The following PDE1A variants were observed in gnomAD, a reference collection of about 807,000 sequenced individuals.
PDE1A encodes phosphodiesterase 1A.
In PDE1A, 35 loss-of-function variants were observed where a neutral mutation model predicts 61.7. That is an observed-to-expected ratio of 0.57 (90% confidence interval 0.43 to 0.75). The LOEUF (loss-of-function observed/expected upper bound fraction) is 0.75. PDE1A is among the 30% of genes least tolerant of loss of function. The probability of loss-of-function intolerance (pLI) is 0.00; values close to 1 mark genes in which losing one functional copy is unlikely to be tolerated. For synonymous variants in PDE1A, 232 were observed against 213.2 expected, an observed-to-expected ratio of 1.09 and a Z score of -0.77; for missense variants, 597 against 630.6, an observed-to-expected ratio of 0.95 and a Z score of 0.57.
At chr2:182,386,275 G>T (rs577049853) in intron 1 of PDE1A, among the ~76,000 whole-genome samples, 1 of 151,598 alleles carries the variant, frequency 6.6e-6, no homozygotes, top group Non-Finnish European at 1.5e-5. Context: ...ACCCCGTCTG[G>T]GAAGTGAGGA....
upstream of PDE1A, among the ~76,000 whole-genome samples, chr2:182,430,851 G>A (rs376204567): frequency 2.5e-5 from 3 of 118,438 alleles, no homozygotes; most frequent in Non-Finnish European, 5.3e-5. Flanking sequence ...GTAAACTATC[G>A]CAAGAACAAA....
At chr2:182,432,672 G>C (rs1704015873) in intron 2 of PDE1A, among the ~76,000 whole-genome samples, 1 of 152,002 alleles carries the variant, frequency 6.6e-6, no homozygotes, top group Admixed American at 6.6e-5. Flanking sequence ...AGTAATATCT[G>C]TTAAATGTGT....
At chr2:182,484,899 G>A (rs892903449) in intron 2 of PDE1A, among the ~76,000 whole-genome samples, 25 of 151,908 alleles carry the variant, frequency 1.6e-4, no homozygotes, top group Non-Finnish European at 2.9e-5. Flanking sequence ...AAAAGAGAAC[G>A]TTTATACACT....
chr2:182,357,528 T>C (rs1389629182), intron 1 of PDE1A, among the ~76,000 whole-genome samples: 4 of 152,210 alleles, frequency 2.6e-5, no homozygotes, highest in Non-Finnish European at 5.9e-5. Flanking sequence ...GACTGAGCTG[T>C]ACTTGGTTAT....
chr2:182,268,105 T>C (rs1025508263), intron 1 of PDE1A, among the ~76,000 whole-genome samples: 2 of 152,136 alleles, frequency 1.3e-5, no homozygotes, highest in Non-Finnish European at 2.9e-5. Context: ...AACAATGTTC[T>C]TAATTTCTGG....
chr2:182,683,991 C>T, the PDE1A span, among the ~76,000 whole-genome samples: 3 of 151,718 alleles, frequency 2.0e-5, no homozygotes, highest in Admixed American at 6.6e-5. Flanking sequence ...GGTGTGGTGG[C>T]GCATGCCTGT....
At chr2:182,365,450 T>C (rs1301609885) in intron 1 of PDE1A, among the ~76,000 whole-genome samples, 1 of 152,034 alleles carries the variant, frequency 6.6e-6, no homozygotes, top group Non-Finnish European at 1.5e-5. Context: ...AGTATAAATA[T>C]GTTAAATACA....
intron 10 of PDE1A, among the ~76,000 whole-genome samples, chr2:182,190,798 A>T (rs182321283): frequency 2.4e-4 from 37 of 152,068 alleles, no homozygotes; most frequent in African/African-American, 6.8e-4. Context: ...TCTACTATAA[A>T]TACAAAAATT....
At chr2:182,521,630 G>A (rs530895075) in intron 2 of PDE1A, among the ~76,000 whole-genome samples, 43 of 152,124 alleles carry the variant, frequency 2.8e-4, no homozygotes, top group Middle Eastern at 3.4e-3. Flanking sequence ...TACATCCCAT[G>A]TTTGACATAA....
chr2:182,541,135 T>A, the PDE1A span, among the ~76,000 whole-genome samples: 1 of 152,148 alleles, frequency 6.6e-6, no homozygotes, highest in East Asian at 1.9e-4. Flanking sequence ...TACAACAATA[T>A]CTAATCTAAA....
chr2:182,344,240 A>G (rs1259310259), intron 1 of PDE1A, among the ~76,000 whole-genome samples: 1 of 152,122 alleles, frequency 6.6e-6, no homozygotes, highest in Non-Finnish European at 1.5e-5. Context: ...TTTGCATCAT[A>G]CTATAAAATA....
intron 2 of PDE1A, among the ~76,000 whole-genome samples, chr2:182,515,607 T>C (rs1690082540): frequency 6.6e-6 from 1 of 152,074 alleles, no homozygotes; most frequent in Non-Finnish European, 1.5e-5. Context: ...TCAAAATGAG[T>C]TTTGATGAAG....
chr2:182,291,217 G>C (rs1694511009), intron 1 of PDE1A, among the ~76,000 whole-genome samples: 1 of 152,020 alleles, frequency 6.6e-6, no homozygotes, highest in South Asian at 2.1e-4. Context: ...CATTACCACT[G>C]ATCTTCATAA....
chr2:182,205,947 C>A (rs1445597045), exon 8 of PDE1A: 2 of 1,607,590 alleles, frequency 1.2e-6, no homozygotes, highest in Non-Finnish European at 1.7e-6. Context: ...CACCTCCAGT[C>A]ATCTTTGGAT....
chr2:182,675,460 G>T, the PDE1A span, among the ~76,000 whole-genome samples: 1 of 152,062 alleles, frequency 6.6e-6, no homozygotes, highest in Non-Finnish European at 1.5e-5. Context: ...ATATTCTTTT[G>T]GGTGTATACC....
At chr2:182,217,857 G>C (rs1688341400) in intron 7 of PDE1A, among the ~76,000 whole-genome samples, 2 of 151,982 alleles carry the variant, frequency 1.3e-5, no homozygotes, top group Admixed American at 1.3e-4. Flanking sequence ...GGAATTCAGT[G>C]TGGAGATTCC....
At chr2:182,324,383 C>A (rs1271720181) in intron 1 of PDE1A, among the ~76,000 whole-genome samples, 1 of 151,634 alleles carries the variant, frequency 6.6e-6, no homozygotes, top group African/African-American at 2.4e-5. Flanking sequence ...TTTTAAAATT[C>A]TAATTTTGTT....
chr2:182,681,707 A>T, the PDE1A span, among the ~76,000 whole-genome samples: 1 of 152,038 alleles, frequency 6.6e-6, no homozygotes, highest in African/African-American at 2.4e-5. Context: ...GAGCAGTGGC[A>T]CGATCTGGGC....
In PDE1A at chr2:182,424,324, G is replaced by T. The variant is rs534776819; in HGVS notation, c.53+2254C>A. ...ACTATTTTCATAAAATGTCCATTAAGCTTATAACTGGCCCCACTAGCACAC... is the reference window on the plus strand; with the variant it reads ...ACTATTTTCATAAAATGTCCATTAATCTTATAACTGGCCCCACTAGCACAC... On this transcript the variant is annotated intron_variant, in intron 1 of 13. Coordinates refer to ENST00000351439, the Ensembl canonical transcript of PDE1A. 3.3e-5 allele frequency among the ~76,000 whole-genome samples: 5 copies of T among 152,290 alleles called. No individual in the cohort carries two copies. The East Asian group carries it at 9.6e-4, about 29-fold the overall frequency.
Sources: gnomAD v4.1 joint callset for allele counts (sites outside exome capture counted in the v4.1 genomes callset) on GRCh38, gnomAD v4.1.1 for gene constraint, MANE v1.5 for transcripts, NCBI Gene and HGNC (gene_info 2026-07-23, HGNC 2026-07-21) for gene names.